The following IKZF2 variants were observed in gnomAD, a reference collection of about 807,000 sequenced individuals.
The protein encoded by IKZF2 is zinc finger protein Helios.
In IKZF2, 15 loss-of-function variants were observed where a neutral mutation model predicts 49.2. The observed-to-expected ratio is 0.30, with a 90% CI of 0.20 to 0.47. IKZF2 has a LOEUF of 0.47. Ranked by LOEUF, IKZF2 falls within the 20% of genes least tolerant of loss-of-function variation. The pLI is 1.00. For synonymous variants in IKZF2, 227 were observed against 221.4 expected (o/e 1.03, Z -0.23); for missense variants, 567 against 664.6 (o/e 0.85, Z 1.61).
intron 4 of IKZF2, among the ~76,000 whole-genome samples, chr2:213,124,222 GTGCA>G (rs2060148861): frequency 6.7e-6 from 1 of 148,742 alleles, no homozygotes; most frequent in Non-Finnish European, 1.5e-5. Context: ...ATGTCCTTGT[GTGCA>G]CGCACACATG....
At chr2:213,088,309 G>A (rs9749730) in intron 4 of IKZF2, among the ~76,000 whole-genome samples, 40,956 of 152,032 alleles carry the variant, frequency 0.27, 6,868 homozygotes, top group Non-Finnish European at 0.38. Context: ...GTCTTCTTTC[G>A]AGAAGTGTCT....
chr2:213,016,900 G>A (rs1467010268), intron 7 of IKZF2: 1 of 152,120 alleles, frequency 6.6e-6, no homozygotes, highest in East Asian at 1.9e-4. Flanking sequence ...TGGACTGAGG[G>A]TCCCACCACA....
intron 6 of IKZF2, among the ~76,000 whole-genome samples, chr2:213,042,655 A>G (rs1002220837): frequency 3.3e-5 from 5 of 152,204 alleles, no homozygotes; most frequent in Non-Finnish European, 7.3e-5. Context: ...GTGGGCAAAA[A>G]TAATCATAAA....
chr2:213,128,794 ATTTTTTTTTC>A (rs1363911159), intron 4 of IKZF2, among the ~76,000 whole-genome samples: 1 of 117,556 alleles, frequency 8.5e-6, no homozygotes, highest in East Asian at 3.0e-4. Flanking sequence ...CACCACACTA[ATTTTTTTTTC>A]TTTTTTTTTT....
At chr2:213,034,445 A>G (rs1018893944) in intron 6 of IKZF2, among the ~76,000 whole-genome samples, 1 of 152,228 alleles carries the variant, frequency 6.6e-6, no homozygotes, top group Non-Finnish European at 1.5e-5. Flanking sequence ...AAAGTGAGAA[A>G]TGTGAGTCTT....
At chr2:213,091,109 T>A (rs1705275102) in intron 4 of IKZF2, among the ~76,000 whole-genome samples, 2 of 152,134 alleles carry the variant, frequency 1.3e-5, no homozygotes, top group South Asian at 4.1e-4. Context: ...TTTTACGATT[T>A]TTAAAGGCAA....
intron 6 of IKZF2, 33 bp downstream of exon 6, chr2:213,049,680 T>C: frequency 6.7e-7 from 1 of 1,499,132 alleles, no homozygotes; most frequent in East Asian, 2.3e-5. Context: ...TTTCCTGTTT[T>C]ACTTTTCTTC....
chr2:213,120,631 T>C (rs2060023269), intron 4 of IKZF2, among the ~76,000 whole-genome samples: 1 of 152,176 alleles, frequency 6.6e-6, no homozygotes, highest in Admixed American at 6.5e-5. Flanking sequence ...AAACAAATTT[T>C]TGTAATAGAA....
intron 4 of IKZF2, among the ~76,000 whole-genome samples, chr2:213,124,764 T>C (rs192308613): frequency 6.6e-6 from 1 of 152,338 alleles, no homozygotes; most frequent in East Asian, 1.9e-4. Context: ...TGCCTATGTG[T>C]TTCCAAGGAA....
At chr2:213,108,653 A>T (rs531040909) in intron 4 of IKZF2, among the ~76,000 whole-genome samples, 1 of 152,304 alleles carries the variant, frequency 6.6e-6, no homozygotes, top group African/African-American at 2.4e-5. Flanking sequence ...AACAAAGTTG[A>T]TATAGCTTTA....
intron 4 of IKZF2, among the ~76,000 whole-genome samples, chr2:213,123,175 A>G (rs1379767471): frequency 6.6e-6 from 1 of 152,224 alleles, no homozygotes. Flanking sequence ...ATCTTTCTTA[A>G]GAAATGTCAG....
At chr2:213,091,603 G>A (rs951832203) in intron 4 of IKZF2, among the ~76,000 whole-genome samples, 15 of 152,230 alleles carry the variant, frequency 9.9e-5, no homozygotes, top group Admixed American at 3.3e-4. Context: ...GAAATCATCC[G>A]TCTGAAGAAG....
intron 4 of IKZF2, among the ~76,000 whole-genome samples, chr2:213,058,133 C>T (rs978264720): frequency 2.6e-5 from 4 of 152,018 alleles, no homozygotes; most frequent in Admixed American, 1.3e-4. Flanking sequence ...TTTTCATTGC[C>T]GTTGTTTTCT....
At chr2:213,050,915 TA>T (rs1700621700) in intron 5 of IKZF2, among the ~76,000 whole-genome samples, 1 of 151,972 alleles carries the variant, frequency 6.6e-6, no homozygotes, top group African/African-American at 2.4e-5. Context: ...AAGTAAACAG[TA>T]AAAATGTATC....
intron 6 of IKZF2, among the ~76,000 whole-genome samples, chr2:213,040,534 G>C (rs1031569973): frequency 1.3e-5 from 2 of 151,970 alleles, no homozygotes; most frequent in African/African-American, 4.8e-5. Flanking sequence ...AAATATACCT[G>C]AAATGCTAAT....
intron 4 of IKZF2, among the ~76,000 whole-genome samples, chr2:213,093,900 T>C (rs925689325): frequency 1.3e-5 from 2 of 152,152 alleles, no homozygotes; most frequent in Non-Finnish European, 2.9e-5. Flanking sequence ...TAAGCTGCTA[T>C]GTGGATTCTA....
chr2:213,106,766 T>G (rs757164932), intron 4 of IKZF2, among the ~76,000 whole-genome samples: 5 of 152,066 alleles, frequency 3.3e-5, no homozygotes, highest in Non-Finnish European at 7.4e-5. Flanking sequence ...AAGTGAAACA[T>G]CTCAAGTCTC....
chr2:213,031,039 T>C (rs1698374552), intron 6 of IKZF2, among the ~76,000 whole-genome samples: 1 of 152,184 alleles, frequency 6.6e-6, no homozygotes, highest in Non-Finnish European at 1.5e-5. Flanking sequence ...TTGGCCAGGC[T>C]GGTCTTGAAC....
At chr2:213,029,736 A>G (rs1489589582) in intron 6 of IKZF2, among the ~76,000 whole-genome samples, 1 of 152,090 alleles carries the variant, frequency 6.6e-6, no homozygotes, top group Non-Finnish European at 1.5e-5. Context: ...AATGGATAAA[A>G]AGTTGTTAGG....
Sources: allele counts gnomAD v4.1 joint callset (sites outside exome capture counted in the v4.1 genomes callset), GRCh38; gene constraint gnomAD v4.1.1; transcripts MANE v1.5; gene names NCBI Gene and HGNC (gene_info 2026-07-23, HGNC 2026-07-21).